The following MGMT variants were observed in gnomAD, a reference collection of about 807,000 sequenced individuals.
MGMT encodes the protein O-6-methylguanine-DNA methyltransferase.
Under a neutral mutation model 15.9 loss-of-function variants are expected in MGMT, and 14 were observed. The ratio of observed to expected loss-of-function variants is 0.88; its 90% CI spans 0.58 to 1.37. The LOEUF (loss-of-function observed/expected upper bound fraction) is 1.37, where lower values mean the gene tolerates loss of function less well. MGMT is among the 40% of genes most tolerant of loss of function. The pLI is 0.00. For missense variants in MGMT, 282 were observed against 268.1 expected, an observed-to-expected ratio of 1.05 and a Z score of -0.36; for synonymous variants, 130 against 118.2, an observed-to-expected ratio of 1.10 and a Z score of -0.65.
chr10:129,754,139 G>A (rs546321191), intron 3 of MGMT, among the ~76,000 whole-genome samples: 5 of 151,748 alleles, frequency 3.3e-5, no homozygotes, highest in South Asian at 2.1e-4. Flanking sequence ...GTGCATAGGC[G>A]GGGAAGTAGA....
At chr10:129,744,940 G>A (rs903635210) in intron 3 of MGMT, among the ~76,000 whole-genome samples, 21 of 152,270 alleles carry the variant, frequency 1.4e-4, no homozygotes, top group Admixed American at 3.3e-4. Context: ...CCCAGTAGGC[G>A]CTTACTGTAT....
At chr10:129,491,278 C>T (rs965150717) in intron 1 of MGMT, among the ~76,000 whole-genome samples, 100 of 152,236 alleles carry the variant, frequency 6.6e-4, no homozygotes, top group African/African-American at 2.2e-3. Flanking sequence ...GACATTCCAT[C>T]GTCTTCTGGT....
intron 3 of MGMT, among the ~76,000 whole-genome samples, chr10:129,756,607 C>A (rs138627160): frequency 1.3e-5 from 2 of 152,196 alleles, no homozygotes; most frequent in African/African-American, 4.8e-5. Context: ...GTAGCTGGGA[C>A]TGCAGACGAG....
At chr10:129,609,734 C>T (rs1391050986) in intron 2 of MGMT, among the ~76,000 whole-genome samples, 1 of 152,146 alleles carries the variant, frequency 6.6e-6, no homozygotes, top group African/African-American at 2.4e-5. Flanking sequence ...GGAAGCGCTT[C>T]CCTGAACACT....
At position 129,526,651 on chromosome 10, in the gene MGMT, A is replaced by G. The variant is rs149898216; in HGVS notation, c.-12-9590A>G. Among the ~76,000 whole-genome samples the G allele has an allele frequency of 3.0e-3, 455 of 152,146 alleles. 4 individuals are homozygous for G. Among genetic ancestry groups the G allele is most frequent in the African/African-American group, 0.01 (428 of 41,476 alleles). On this transcript the variant is annotated intron_variant, in intron 1 of 4. Transcript: ENST00000651593. Reference sequence around the variant, plus strand: ...TCGGACCGCAGGTGCACGTCACCACACCCGGCTAGTCTGTTTCTGTGTGTT... The same window carrying G: ...TCGGACCGCAGGTGCACGTCACCACGCCCGGCTAGTCTGTTTCTGTGTGTT...
At chr10:129,528,345 A>AGTGTAGTGGCTGTGGAGAGCTGCAGT (rs1845892904) in intron 1 of MGMT, among the ~76,000 whole-genome samples, 2 of 151,604 alleles carry the variant, frequency 1.3e-5, no homozygotes, top group Non-Finnish European at 1.5e-5. Flanking sequence ...GGAGAGCTGC[A>AGTGTAGTGGCTGTGGAGAGCTGCAGT]GTGTAGTGGC....
At position 129,680,935 on chromosome 10, in the gene MGMT, C is replaced by T. The variant is rs11016873; in HGVS notation, c.126-26960C>T. On this transcript the variant is annotated intron_variant, in intron 2 of 4. Coordinates refer to ENST00000651593, the MANE Select transcript of MGMT (RefSeq NM_002412.5). ...TTCCTGAGCGACCCCATCAGTAAAG[C>T]GTCGCCACCATGCAATGCTGCTGGC... 1.2e-3 allele frequency among the ~76,000 whole-genome samples: 178 copies of T among 152,330 alleles called. 1 individual carries two copies. The East Asian group carries it at 0.016, about 14-fold the overall frequency.
At chr10:129,545,813 A>G (rs1846092338) in intron 2 of MGMT, among the ~76,000 whole-genome samples, 2 of 152,236 alleles carry the variant, frequency 1.3e-5, no homozygotes, top group African/African-American at 4.8e-5. Context: ...AAAAGTGTTC[A>G]TGTCATTTAA....
chr10:129,637,083 C>A (rs191124354), intron 2 of MGMT, among the ~76,000 whole-genome samples: 1 of 152,326 alleles, frequency 6.6e-6, no homozygotes, highest in African/African-American at 2.4e-5. Context: ...CACCTTTTGT[C>A]ACTAATTAGT....
chr10:129,561,578 G>T (rs551684658), intron 2 of MGMT, among the ~76,000 whole-genome samples: 1 of 152,152 alleles, frequency 6.6e-6, no homozygotes, highest in Non-Finnish European at 1.5e-5. Flanking sequence ...GTGATATCTT[G>T]TCTGATGGTG....
At chr10:129,470,133 C>G (rs1449812016) in intron 1 of MGMT, among the ~76,000 whole-genome samples, 1 of 152,190 alleles carries the variant, frequency 6.6e-6, no homozygotes, top group Non-Finnish European at 1.5e-5. Flanking sequence ...CAAGCCAGCC[C>G]TTCGCCCCAC....
intron 2 of MGMT, among the ~76,000 whole-genome samples, chr10:129,691,133 C>T (rs1024686256): frequency 6.6e-6 from 1 of 152,110 alleles, no homozygotes; most frequent in Non-Finnish European, 1.5e-5. Flanking sequence ...CTGTTCCCGG[C>T]GTGGGGAGAA....
chr10:129,513,816 A>T (rs949874545), intron 1 of MGMT, among the ~76,000 whole-genome samples: 1 of 152,200 alleles, frequency 6.6e-6, no homozygotes, highest in African/African-American at 2.4e-5. Flanking sequence ...AGAGGCTTCC[A>T]AACTCCACGG....
chr10:129,656,703 G>A (rs1001847943), intron 2 of MGMT, among the ~76,000 whole-genome samples: 3 of 152,162 alleles, frequency 2.0e-5, no homozygotes, highest in Non-Finnish European at 4.4e-5. Flanking sequence ...CCAGGTCACA[G>A]GTAGGTGAGA....
At chr10:129,658,437 A>G (rs1847557162) in intron 2 of MGMT, among the ~76,000 whole-genome samples, 1 of 152,248 alleles carries the variant, frequency 6.6e-6, no homozygotes, top group Admixed American at 6.5e-5. Context: ...GCACTGCGTT[A>G]GCTTGCCAGT....
chr10:129,614,935 A>C (rs1847006030), intron 2 of MGMT, among the ~76,000 whole-genome samples: 1 of 151,994 alleles, frequency 6.6e-6, no homozygotes, highest in African/African-American at 2.4e-5. Flanking sequence ...TATTCCCAGT[A>C]CTGTATTTAC....
chr10:129,594,617 A>AG (rs1292147514), intron 2 of MGMT, among the ~76,000 whole-genome samples: 1 of 152,198 alleles, frequency 6.6e-6, no homozygotes, highest in Non-Finnish European at 1.5e-5. Context: ...AACATACCAC[A>AG]GCAGTGTATG....
chr10:129,707,096 A>C lies in MGMT; in HGVS notation c.126-799A>C, dbSNP rs548221818. ...GGCCAACGTGATGAAGCCAACATGG[A>C]GAAACCCCATCTCTACTAAAGATAC... is the stretch of plus-strand genomic sequence containing the variant. On this transcript the variant is annotated intron_variant, in intron 2 of 4. Coordinates refer to ENST00000651593, the MANE Select transcript of MGMT (RefSeq NM_002412.5). Among the ~76,000 whole-genome samples, 15 of 152,142 alleles carry C rather than the reference A, an allele frequency of 9.9e-5. 1 individual carries two copies. Among genetic ancestry groups the C allele is most frequent in the African/African-American group, 3.6e-4 (15 of 41,512 alleles).
chr10:129,603,296 C>T (rs554247751), intron 2 of MGMT, among the ~76,000 whole-genome samples: 1 of 152,144 alleles, frequency 6.6e-6, no homozygotes, highest in Admixed American at 6.5e-5. Flanking sequence ...TCTCTGATAG[C>T]ATGAAAATGT....
Sources: allele counts gnomAD v4.1 joint callset (sites outside exome capture counted in the v4.1 genomes callset), GRCh38; gene constraint gnomAD v4.1.1; transcripts MANE v1.5; gene names NCBI Gene and HGNC (gene_info 2026-07-23, HGNC 2026-07-21).